Variants in PDZRN4 observed in about 807,000 individuals in gnomAD.
PDZRN4 encodes the protein PDZ domain-containing RING finger protein 4.
PDZRN4 carries 70 observed loss-of-function variants against 99.0 expected under a neutral mutation model. The ratio of observed to expected loss-of-function variants is 0.71; its 90% CI spans 0.58 to 0.86. The LOEUF (loss-of-function observed/expected upper bound fraction) is 0.86, where lower values mean the gene tolerates loss of function less well. PDZRN4 is among the 40% of genes least tolerant of loss of function. The pLI is 0.00. For missense variants in PDZRN4, 1,474 were observed against 1,331.2 expected (o/e 1.11, Z -1.67); for synonymous variants, 551 against 501.6 (o/e 1.10, Z -1.32).
intron 3 of PDZRN4, among the ~76,000 whole-genome samples, chr12:41,351,435 T>G (rs1270415725): frequency 6.6e-6 from 1 of 151,980 alleles, no homozygotes; most frequent in Non-Finnish European, 1.5e-5. Flanking sequence ...CACTTGAGAT[T>G]GGGTAATTTA....
intron 3 of PDZRN4, among the ~76,000 whole-genome samples, chr12:41,491,612 A>G (rs1937888541): frequency 6.6e-6 from 1 of 152,292 alleles, no homozygotes; most frequent in Non-Finnish European, 1.5e-5. Context: ...GCCTTCATAG[A>G]TAACTTTAGT....
At position 41,555,290 on chromosome 12, in the gene PDZRN4, T is replaced by C. The variant is rs116642238; in HGVS notation, c.1303-408T>C. Among the ~76,000 whole-genome samples, 729 of 151,234 alleles carry C rather than the reference T, an allele frequency of 4.8e-3. 8 individuals carry two copies. The highest frequency in any genetic ancestry group is 0.017 in the African/African-American group (693 of 41,278). On this transcript the variant is annotated intron_variant, in intron 6 of 9. Transcript: ENST00000402685. ...GGACTTACACTACAGCTATCAGCTTTGCTAAGACAAAAAGTAAATTTCCTG... is the reference window on the plus strand; with the variant it reads ...GGACTTACACTACAGCTATCAGCTTCGCTAAGACAAAAAGTAAATTTCCTG...
At chr12:41,553,365 G>A (rs1467033789) in intron 6 of PDZRN4, among the ~76,000 whole-genome samples, 1 of 152,198 alleles carries the variant, frequency 6.6e-6, no homozygotes, top group Non-Finnish European at 1.5e-5. Flanking sequence ...TATTACAAGA[G>A]ATGATTTTTT....
At chr12:41,261,345 A>C (rs1417093650) in intron 3 of PDZRN4, among the ~76,000 whole-genome samples, 1 of 152,208 alleles carries the variant, frequency 6.6e-6, no homozygotes, top group Non-Finnish European at 1.5e-5. Context: ...GCCCCATTCC[A>C]TGTGGATTAT....
At chr12:41,363,211 C>G (rs1951975226) in intron 3 of PDZRN4, among the ~76,000 whole-genome samples, 1 of 152,052 alleles carries the variant, frequency 6.6e-6, no homozygotes, top group Admixed American at 6.6e-5. Context: ...CTGTAATTTT[C>G]TACTACTAAA....
intron 3 of PDZRN4, among the ~76,000 whole-genome samples, chr12:41,258,664 C>A (rs779716695): frequency 6.6e-6 from 1 of 152,056 alleles, no homozygotes; most frequent in Non-Finnish European, 1.5e-5. Context: ...TTATTGAGTG[C>A]ATACTATTTG....
chr12:41,225,717 A>C (rs912445761), intron 3 of PDZRN4, among the ~76,000 whole-genome samples: 6 of 152,164 alleles, frequency 3.9e-5, no homozygotes, highest in Non-Finnish European at 7.3e-5. Context: ...TTTATCCCTT[A>C]CCTCCAAGTC....
intron 3 of PDZRN4, among the ~76,000 whole-genome samples, chr12:41,490,640 C>T (rs556268820): frequency 4.3e-4 from 65 of 152,166 alleles, no homozygotes; most frequent in African/African-American, 1.5e-3. Context: ...CACAGGAGCA[C>T]CTCCTCATGA....
chr12:41,310,218 C>T (rs1951597697), intron 3 of PDZRN4, among the ~76,000 whole-genome samples: 1 of 151,968 alleles, frequency 6.6e-6, no homozygotes, highest in African/African-American at 2.4e-5. Flanking sequence ...CAGGTGTGAG[C>T]CACCGCATCC....
At chr12:41,360,883 A>G (rs1246525782) in intron 3 of PDZRN4, among the ~76,000 whole-genome samples, 1 of 151,998 alleles carries the variant, frequency 6.6e-6, no homozygotes, top group African/African-American at 2.4e-5. Context: ...CAGGGTTACC[A>G]AATTAGAGCA....
chr12:41,306,766 C>T (rs1185521431), intron 3 of PDZRN4, among the ~76,000 whole-genome samples: 1 of 152,138 alleles, frequency 6.6e-6, no homozygotes, highest in African/African-American at 2.4e-5. Flanking sequence ...ACTTTCACTC[C>T]CAAGTTCTGC....
rs576193480 is a variant in PDZRN4, at chr12:41,284,274, G to A, written c.843+90086G>A. On this transcript the variant is annotated intron_variant, in intron 3 of 9. Transcript: ENST00000402685. Reference sequence around the variant, plus strand: ...CTCCCATTCACAATTGCTACAAAAAGAATAAAATACCTAGAAATACAACTT... The same window carrying A: ...CTCCCATTCACAATTGCTACAAAAAAAATAAAATACCTAGAAATACAACTT... 5.3e-5 allele frequency among the ~76,000 whole-genome samples: 8 copies of A among 152,158 alleles called. No individual in the cohort carries two copies. In the South Asian group the frequency reaches 1.7e-3, roughly 32 times the overall value.
chr12:41,232,944 G>C (rs535546292), intron 3 of PDZRN4, among the ~76,000 whole-genome samples: 5 of 152,192 alleles, frequency 3.3e-5, no homozygotes, highest in African/African-American at 1.2e-4. Flanking sequence ...CCCATTGCTT[G>C]TTTTTGTCAG....
At chr12:41,535,048 C>A (rs1938726529) in intron 5 of PDZRN4, among the ~76,000 whole-genome samples, 1 of 152,048 alleles carries the variant, frequency 6.6e-6, no homozygotes, top group Non-Finnish European at 1.5e-5. Context: ...ATTAAATTTT[C>A]ATTTCAATTG....
At chr12:41,454,094 C>G (rs1952798535) in intron 3 of PDZRN4, among the ~76,000 whole-genome samples, 1 of 151,458 alleles carries the variant, frequency 6.6e-6, no homozygotes, top group African/African-American at 2.4e-5. Context: ...TCTGTGATAG[C>G]CAATAATTAA....
intron 3 of PDZRN4, among the ~76,000 whole-genome samples, chr12:41,378,573 A>C (rs1295346887): frequency 1.6e-5 from 2 of 121,460 alleles, no homozygotes; most frequent in African/African-American, 6.4e-5. Flanking sequence ...CCTAGACTGG[A>C]GTACAATGGC....
At chr12:41,477,966 A>C (rs555960614) in intron 3 of PDZRN4, 1 of 1,208,508 alleles carries the variant, frequency 8.3e-7, no homozygotes, top group Non-Finnish European at 1.2e-6. Context: ...TCTCTTGCTT[A>C]TCAGTGAGCG....
At chr12:41,305,530 C>T (rs934558774) in intron 3 of PDZRN4, among the ~76,000 whole-genome samples, 10 of 152,062 alleles carry the variant, frequency 6.6e-5, no homozygotes, top group African/African-American at 2.4e-4. Flanking sequence ...CTTGTGTGGG[C>T]TGCCTTGTAG....
At position 41,391,893 on chromosome 12, in the gene PDZRN4, G is replaced by A. The variant is rs182016464; in HGVS notation, c.844-114563G>A. On this transcript the variant is annotated intron_variant, in intron 3 of 9. Coordinates refer to ENST00000402685, the MANE Select transcript of PDZRN4 (RefSeq NM_001164595.2). ...ATCAACAAGTGATGAAGACGAGGAA[G>A]CCCTGGAGTGGTGTTTGTTTCAAAT... Among the ~76,000 whole-genome samples the A allele has an allele frequency of 1.2e-4, 18 of 152,266 alleles. 1 individual carries two copies. In the East Asian group the frequency reaches 2.5e-3, roughly 21 times the overall value.
Sources: gnomAD v4.1 joint callset for allele counts (sites outside exome capture counted in the v4.1 genomes callset) on GRCh38, gnomAD v4.1.1 for gene constraint, MANE v1.5 for transcripts, NCBI Gene and HGNC (gene_info 2026-07-23, HGNC 2026-07-21) for gene names.